ADRA1A: variants seen among roughly 807,000 people sequenced by gnomAD.
The protein encoded by ADRA1A is adrenoceptor alpha 1A, also known as alpha-1A adrenergic receptor.
Under a neutral mutation model 29.6 loss-of-function variants are expected in ADRA1A, and 31 were observed. That is an observed-to-expected ratio of 1.05 (90% CI 0.79 to 1.41). The LOEUF is 1.41. ADRA1A is among the 40% of genes most tolerant of loss of function. The pLI, the probability that ADRA1A is intolerant of heterozygous loss-of-function variation, is 0.00. For synonymous variants in ADRA1A, 311 were observed against 254.3 expected, an observed-to-expected ratio of 1.22 and a Z score of -2.12; for missense variants, 619 against 601.1, an observed-to-expected ratio of 1.03 and a Z score of -0.31.
chr8:26,793,976 T>C (rs1808008982), intron 2 of ADRA1A, among the ~76,000 whole-genome samples: 1 of 151,788 alleles, frequency 6.6e-6, no homozygotes, highest in African/African-American at 2.4e-5. Flanking sequence ...AAAAAGTAAA[T>C]ATGAACAACC....
At chr8:26,791,550 G>A (rs187690601) in intron 2 of ADRA1A, among the ~76,000 whole-genome samples, 1 of 152,268 alleles carries the variant, frequency 6.6e-6, no homozygotes, top group Admixed American at 6.5e-5. Context: ...TGTTCAGTGA[G>A]GTTGGGTGCC....
At position 26,864,668 on chromosome 8, in the gene ADRA1A, A is replaced by G. The variant is rs774951943; in HGVS notation, c.302T>C (p.Ile101Thr). Residue 101 changes from isoleucine to threonine, a missense_variant, in exon 2 of 3, where the codon ATC (isoleucine) becomes ACC (threonine). By Grantham distance (89) the Ile-to-Thr change is moderately conservative (BLOSUM62 -1). Coordinates refer to ENST00000380573, the MANE Select transcript of ADRA1A (RefSeq NM_000680.4). The surrounding 1 kb of genome is among the most constrained non-coding windows in gnomAD (Gnocchi z 8.1). The part of the protein sequence containing the change: ...YWAFGRVFCN[I>T]WAAVDVLCCT... The stretch of plus-strand genomic sequence containing the variant: ...GCACAGCACATCCACTGCCGCCCAG[A>G]TGTTGCAGAAGACCCTGCCGAAGGC... 1 of 1,614,170 alleles carries G rather than the reference A, an allele frequency of 6.2e-7. No individual in the cohort carries two copies. Among genetic ancestry groups the G allele is most frequent in the South Asian group, 1.1e-5 (1 of 91,078 alleles).
chr8:26,867,351 T>C (rs1329414862), upstream of ADRA1A: 1 of 985,354 alleles, frequency 1.0e-6, no homozygotes, highest in Non-Finnish European at 1.2e-6. Context: ...CACAAGTGCG[T>C]ATACAGCTGT....
Position 26,796,190 on chromosome 8 carries a change from G to A in ADRA1A, c.884-25524C>T, listed in dbSNP as rs1236900982. Among the ~76,000 whole-genome samples the A allele has an allele frequency of 2.0e-5, 3 of 152,002 alleles. No homozygotes were observed. The highest frequency in any genetic ancestry group is 7.2e-5 in the African/African-American group (3 of 41,390). ...ATCTGAATAAAATAAAACTGCCTAT[G>A]AATTAGTTTACAATTATTAAAATTG... is the stretch of plus-strand genomic sequence containing the variant. On this transcript the variant is annotated intron_variant, in intron 2 of 2. Coordinates refer to ENST00000380573, the MANE Select transcript of ADRA1A (RefSeq NM_000680.4). The surrounding 1 kb of genome is among the most constrained non-coding windows in gnomAD (Gnocchi z 5.0).
chr8:26,816,241 A>G (rs1809745709), intron 2 of ADRA1A, among the ~76,000 whole-genome samples: 1 of 152,196 alleles, frequency 6.6e-6, no homozygotes, highest in South Asian at 2.1e-4. Flanking sequence ...CCTTCAAGGA[A>G]TTGGAGAAAA....
At chr8:26,759,951 T>C (rs771821888) in intron 2 of ADRA1A, among the ~76,000 whole-genome samples, 7 of 152,182 alleles carry the variant, frequency 4.6e-5, no homozygotes, top group Admixed American at 1.3e-4. Context: ...TGACTCTAGA[T>C]AGCAAGGGTG....
At chr8:26,814,282 C>T (rs901114253) in intron 2 of ADRA1A, among the ~76,000 whole-genome samples, 3 of 151,804 alleles carry the variant, frequency 2.0e-5, no homozygotes, top group African/African-American at 4.8e-5. Flanking sequence ...CTTGCTCTGT[C>T]GCCCAGGCTG....
At chr8:26,801,931 A>T (rs116530460) in intron 2 of ADRA1A, among the ~76,000 whole-genome samples, 6 of 152,184 alleles carry the variant, frequency 3.9e-5, no homozygotes, top group Non-Finnish European at 8.8e-5. Context: ...GAACCCAGAA[A>T]TAAATTCATA....
In ADRA1A at chr8:26,806,971, C is replaced by A. The variant is rs918135134; in HGVS notation, c.884-36305G>T. ...TTGGCTTTGGCTCTGTTAATAATGT[C>A]AAACTTATGTCGGGGGTAAAGTGCT... On this transcript the variant is annotated intron_variant, in intron 2 of 2. Coordinates refer to ENST00000380573, the MANE Select transcript of ADRA1A (RefSeq NM_000680.4). This position sits in a 1 kb window ranked among gnomAD's most constrained non-coding sequence, Gnocchi z 4.6. Among the ~76,000 whole-genome samples, 3 of 152,206 alleles carry A rather than the reference C, an allele frequency of 2.0e-5. No homozygotes were observed. Among genetic ancestry groups the A allele is most frequent in the Admixed American group, 1.3e-4 (2 of 15,280 alleles).
intron 2 of ADRA1A, among the ~76,000 whole-genome samples, chr8:26,802,597 A>G (rs1471853132): frequency 6.6e-6 from 1 of 152,188 alleles, no homozygotes; most frequent in Non-Finnish European, 1.5e-5. Context: ...GATGTGGAGA[A>G]AAGAGAACTC....
chr8:26,864,450 T>G lies in ADRA1A; in HGVS notation c.520A>C (p.Thr174Pro). ...GWRQPAPEDE[T>P]ICQINEEPGY... ...GGCTCCTCGTTGATCTGGCAGATGGTCTCGTCCTCGGGGGCCGGCTGCCTC... is the reference window on the plus strand; with the variant it reads ...GGCTCCTCGTTGATCTGGCAGATGGGCTCGTCCTCGGGGGCCGGCTGCCTC... The change falls in exon 2 of 3, where the codon ACC (threonine) becomes CCC (proline). Residue 174 changes from threonine (T) to proline (P), a missense_variant. By Grantham distance (38) the Thr-to-Pro change is conservative. Coordinates refer to ENST00000380573, the MANE Select transcript of ADRA1A (RefSeq NM_000680.4). This position sits in a 1 kb window ranked among gnomAD's most constrained non-coding sequence, Gnocchi z 8.1. 6.2e-7 allele frequency: 1 copy of G among 1,613,406 alleles called. No individual in the cohort carries two copies. Among genetic ancestry groups the G allele is most frequent in the Non-Finnish European group, 8.5e-7 (1 of 1,180,006 alleles).
At chr8:26,800,163 G>A (rs757355018) in intron 2 of ADRA1A, among the ~76,000 whole-genome samples, 3 of 152,108 alleles carry the variant, frequency 2.0e-5, no homozygotes, top group Non-Finnish European at 4.4e-5. Context: ...GGAGGCTGAG[G>A]CAAGAGAATT....
chr8:26,753,324 C>T (rs1199634563), downstream of ADRA1A, among the ~76,000 whole-genome samples: 1 of 152,166 alleles, frequency 6.6e-6, no homozygotes, highest in African/African-American at 2.4e-5. Context: ...CCTTCCCCTG[C>T]TACCTGCCTC....
Position 26,865,066 on chromosome 8 carries a change from G to A in ADRA1A, c.-97C>T. The A allele has an allele frequency of 1.3e-6, 2 of 1,508,972 alleles. No individual in the cohort carries two copies. The highest frequency in any genetic ancestry group is 2.1e-4 in the Middle Eastern group (1 of 4,830). 93.5% of individuals were successfully genotyped at this position (1,508,972 alleles called of 1,614,324 possible). A position where few individuals can be genotyped will look rare whatever the true frequency, so the allele number is the denominator to read the frequency against. Reference sequence around the variant, plus strand: ...CGGGAGCCGGGAATCAAAAGGTCTCGGCTGGAGGGAGCCCTGCCAGGTGGG... The same window carrying A: ...CGGGAGCCGGGAATCAAAAGGTCTCAGCTGGAGGGAGCCCTGCCAGGTGGG... On this transcript the variant is annotated 5_prime_UTR_variant, in exon 2 of 3. Coordinates refer to ENST00000380573, the MANE Select transcript of ADRA1A (RefSeq NM_000680.4). The surrounding 1 kb of genome is among the most constrained non-coding windows in gnomAD (Gnocchi z 7.6).
chr8:26,849,754 G>A (rs1812473840), intron 2 of ADRA1A, among the ~76,000 whole-genome samples: 1 of 152,146 alleles, frequency 6.6e-6, no homozygotes. Context: ...ATTGATCCCA[G>A]GAATCAGAGC....
At chr8:26,839,342 T>C (rs1300421662) in intron 2 of ADRA1A, among the ~76,000 whole-genome samples, 2 of 152,116 alleles carry the variant, frequency 1.3e-5, no homozygotes, top group Non-Finnish European at 2.9e-5. Flanking sequence ...GTGTCTTTAG[T>C]AGAGACGGGG....
At chr8:26,820,781 T>A (rs1810110134) in intron 2 of ADRA1A, among the ~76,000 whole-genome samples, 3 of 152,184 alleles carry the variant, frequency 2.0e-5, no homozygotes, top group South Asian at 2.1e-4. Context: ...TAGTCACATT[T>A]AAAAAAATAG....
chr8:26,765,886 T>C, downstream of ADRA1A: 2 of 1,419,494 alleles, frequency 1.4e-6, no homozygotes, highest in Non-Finnish European at 9.2e-7. Flanking sequence ...AGCAAATAGT[T>C]CCTAAAATGT....
In ADRA1A at chr8:26,841,576, C is replaced by T. The variant is rs1479970695; in HGVS notation, c.883+22511G>A. Among the ~76,000 whole-genome samples the T allele has an allele frequency of 6.6e-6, 1 of 152,180 alleles. No individual in the cohort carries two copies. The highest frequency in any genetic ancestry group is 1.5e-5 in the Non-Finnish European group (1 of 68,028). ...GACAGCACAATCTTTCATCCCTTTG[C>T]TTTGTCCTCTCAGGTCCTGGCTCTG... On this transcript the variant is annotated intron_variant, in intron 2 of 2. Coordinates refer to ENST00000380573, the MANE Select transcript of ADRA1A (RefSeq NM_000680.4). The surrounding 1 kb of genome is among the most constrained non-coding windows in gnomAD (Gnocchi z 4.4).
Sources: allele counts gnomAD v4.1 joint callset (sites outside exome capture counted in the v4.1 genomes callset), GRCh38; gene constraint gnomAD v4.1.1; non-coding constraint Gnocchi (gnomAD v3.1); transcripts MANE v1.5; gene names NCBI Gene and HGNC (gene_info 2026-07-23, HGNC 2026-07-21).